The following KBTBD11 variants were observed in gnomAD, a reference collection of about 807,000 sequenced individuals.
KBTBD11 encodes the protein kelch repeat and BTB domain containing 11, also known as kelch repeat and BTB domain-containing protein 11.
For missense variants in KBTBD11, 1,390 were observed against 1,001.8 expected (o/e 1.39, Z -5.23); for synonymous variants, 747 against 499.0 (o/e 1.50, Z -6.63).
In KBTBD11 at chr8:2,001,896, A is replaced by C. The variant is rs1287536982; in HGVS notation, c.704A>C (p.Asn235Thr). The C allele has an allele frequency of 2.8e-6, 4 of 1,415,534 alleles. No homozygotes were observed. Among genetic ancestry groups the C allele is most frequent in the African/African-American group, 1.5e-5 (1 of 66,630 alleles). 87.7% of individuals were successfully genotyped at this position (1,415,534 alleles called of 1,614,324 possible). The change falls in exon 2 of 2, where the codon AAC becomes ACC. Residue 235 changes from asparagine (N) to threonine (T), a missense_variant. Transcript: ENST00000320248. ...DAVGPQLSLANCYEVLSAAKR... is the reference protein window; with the variant it reads ...DAVGPQLSLATCYEVLSAAKR... ...GTGGGGCCGCAGCTGAGCCTGGCCA[A>C]CTGCTACGAGGTCCTGAGCGCGGCC... is the stretch of plus-strand genomic sequence containing the variant.
intron 1 of KBTBD11, among the ~76,000 whole-genome samples, chr8:1,977,846 A>G (rs1816401988): frequency 6.6e-6 from 1 of 152,076 alleles, no homozygotes; most frequent in Admixed American, 6.6e-5. Context: ...CAGAGCAATT[A>G]TTTTTTAAAA....
rs1043228 is a variant in KBTBD11, at chr8:2,006,646, C to T, written c.*3582C>T. 12,240 of 167,172 alleles carry T rather than the reference C, an allele frequency of 0.073. 632 individuals carry two copies. The highest frequency in any genetic ancestry group is 0.16 in the Admixed American group (2,484 of 15,304). 10.4% of individuals were successfully genotyped at this position (167,172 alleles called of 1,614,324 possible). A position where few individuals can be genotyped will look rare whatever the true frequency, so the allele number is the denominator to read the frequency against. ...ACTGTGCTGGCAGGAGCTTCAGACA[C>T]GCCAAGTGGATGGATTTGGATTGAA... On this transcript the variant is annotated 3_prime_UTR_variant, in exon 2 of 2. Transcript: ENST00000320248.
At position 2,000,865 on chromosome 8, in the gene KBTBD11, T is replaced by G; in HGVS notation, c.-328T>G. ...AACTGCAGCTCCAGTCATTGCTGGATGTTGGCTGACGCGGTCCTGGCGCCA... is the reference window on the plus strand; with the variant it reads ...AACTGCAGCTCCAGTCATTGCTGGAGGTTGGCTGACGCGGTCCTGGCGCCA... On this transcript the variant is annotated 5_prime_UTR_variant, in exon 2 of 2. It removes an upstream start codon present in the reference 5' UTR. Coordinates refer to ENST00000320248, the MANE Select transcript of KBTBD11 (RefSeq NM_014867.3). 3.5e-6 allele frequency: 1 copy of G among 288,322 alleles called. No individual in the cohort carries two copies. Among genetic ancestry groups the G allele is most frequent in the Non-Finnish European group, 6.4e-6 (1 of 155,660 alleles). 17.9% of individuals were successfully genotyped at this position (288,322 alleles called of 1,614,324 possible).
chr8:2,000,860 C>T lies in KBTBD11; in HGVS notation c.-333C>T, dbSNP rs1050287022. 3 of 286,128 alleles carry T rather than the reference C, an allele frequency of 1.0e-5. No individual in the cohort carries two copies. The highest frequency in any genetic ancestry group is 4.3e-5 in the African/African-American group (2 of 46,110). 17.7% of individuals were successfully genotyped at this position (286,128 alleles called of 1,614,324 possible). A position where few individuals can be genotyped will look rare whatever the true frequency, so the allele number is the denominator to read the frequency against. On this transcript the variant is annotated 5_prime_UTR_variant, in exon 2 of 2. Coordinates refer to ENST00000320248, the MANE Select transcript of KBTBD11 (RefSeq NM_014867.3). The stretch of plus-strand genomic sequence containing the variant: ...CAGTCAACTGCAGCTCCAGTCATTG[C>T]TGGATGTTGGCTGACGCGGTCCTGG...
Position 2,001,415 on chromosome 8 carries a change from G to A in KBTBD11, c.223G>A (p.Glu75Lys). 7.2e-7 allele frequency: 1 copy of A among 1,392,796 alleles called. No homozygotes were observed. The highest frequency in any genetic ancestry group is 9.3e-7 in the Non-Finnish European group (1 of 1,078,638). The allele number at this position is 1,392,796 out of a possible 1,614,324, so 86.3% of individuals were successfully genotyped here. ...CTCCAGCGGTGGCCCGCGGGTGGTG[G>A]AGCGGCAGTGGGAGGCCGGCAGCGC... The part of the protein sequence containing the change: ...PPSSGGPRVV[E>K]RQWEAGSAGA... The change falls in exon 2 of 2, where the codon GAG (glutamate) becomes AAG (lysine). Residue 75 changes from glutamate to lysine, a missense_variant. Glu to Lys is a moderately conservative substitution (Grantham distance 56, BLOSUM62 1). Transcript: ENST00000320248.
rs532941540 is a variant in KBTBD11 at position 2,004,234 on chromosome 8, T to G, written c.*1170T>G. On this transcript the variant is annotated 3_prime_UTR_variant, in exon 2 of 2. Coordinates refer to ENST00000320248, the MANE Select transcript of KBTBD11 (RefSeq NM_014867.3). The stretch of plus-strand genomic sequence containing the variant: ...GAGTTCCAAAATACCCTAATAGAAT[T>G]AACACGAGGCTCACTGCATTGACAG... 2.4e-5 allele frequency: 4 copies of G among 167,096 alleles called. No homozygotes were observed. The highest frequency in any genetic ancestry group is 5.9e-5 in the Non-Finnish European group (4 of 68,118). The allele number at this position is 167,096 out of a possible 1,614,324, so 10.4% of individuals were successfully genotyped here.
chr8:1,982,846 C>G (rs1816585084), intron 1 of KBTBD11, among the ~76,000 whole-genome samples: 1 of 151,922 alleles, frequency 6.6e-6, no homozygotes, highest in East Asian at 1.9e-4. Flanking sequence ...AGGTTTAAGC[C>G]TCCTGAGTAG....
Position 2,001,952 on chromosome 8 carries a change from G to A in KBTBD11, c.760G>A (p.Ala254Thr), listed in dbSNP as rs1437857610. 4.1e-6 allele frequency: 6 copies of A among 1,472,382 alleles called. No homozygotes were observed. The highest frequency in any genetic ancestry group is 3.0e-5 in the East Asian group (1 of 33,420). The allele number at this position is 1,472,382 out of a possible 1,614,324, so 91.2% of individuals were successfully genotyped here. A position where few individuals can be genotyped will look rare whatever the true frequency, so the allele number is the denominator to read the frequency against. The change falls in exon 2 of 2, where the codon GCC becomes ACC. Residue 254 changes from alanine (A) to threonine (T), a missense_variant. Physicochemically the swap from Ala to Thr is moderately conservative, Grantham distance 58 (BLOSUM62 0). Coordinates refer to ENST00000320248, the MANE Select transcript of KBTBD11 (RefSeq NM_014867.3). ...KRQRLNELRD[A>T]AYCFMSDHYL... ...GCAGCGGCTGAACGAGCTGCGCGAC[G>A]CCGCCTACTGCTTCATGAGCGACCA... is the stretch of plus-strand genomic sequence containing the variant.
chr8:1,983,447 C>T (rs910446007), intron 1 of KBTBD11, among the ~76,000 whole-genome samples: 3 of 152,198 alleles, frequency 2.0e-5, no homozygotes, highest in South Asian at 2.1e-4. Context: ...CTGACCAGGG[C>T]GCTGGGGATT....
At chr8:1,997,545 C>T (rs1563375246) in intron 1 of KBTBD11, among the ~76,000 whole-genome samples, 1 of 152,250 alleles carries the variant, frequency 6.6e-6, no homozygotes. Flanking sequence ...CAGGCACGTT[C>T]AGTGCTGTGA....
intron 1 of KBTBD11, among the ~76,000 whole-genome samples, chr8:1,986,205 C>A (rs1161704129): frequency 6.6e-6 from 1 of 152,186 alleles, no homozygotes; most frequent in Non-Finnish European, 1.5e-5. Context: ...GGATCTAAAG[C>A]AGCCAATGGT....
In KBTBD11 at chr8:2,001,521, C is replaced by T. The variant is rs1817355811; in HGVS notation, c.329C>T (p.Pro110Leu). 2 of 1,419,694 alleles carry T rather than the reference C, an allele frequency of 1.4e-6. No homozygotes were observed. The highest frequency in any genetic ancestry group is 1.4e-5 in the South Asian group (1 of 69,668). The allele number at this position is 1,419,694 out of a possible 1,614,324, so 87.9% of individuals were successfully genotyped here. Reference sequence around the variant, plus strand: ...GAGCCCGCGGCGCCGTCCCCCGAACCGCGCGTTTGGCTTGAGGACCCCGCG... The same window carrying T: ...GAGCCCGCGGCGCCGTCCCCCGAACTGCGCGTTTGGCTTGAGGACCCCGCG... ...PEEPAAPSPE[P>L]RVWLEDPASP... The change falls in exon 2 of 2, where the codon CCG (proline) becomes CTG (leucine). Residue 110 changes from proline to leucine, a missense_variant. By Grantham distance (98) the Pro-to-Leu change is moderately conservative. Transcript: ENST00000320248.
chr8:1,985,968 G>A (rs540442670), intron 1 of KBTBD11, among the ~76,000 whole-genome samples: 6 of 152,362 alleles, frequency 3.9e-5, no homozygotes, highest in African/African-American at 1.4e-4. Flanking sequence ...CGTGGCAATT[G>A]CAGGACCATC....
Position 2,003,194 on chromosome 8 carries a change from A to G in KBTBD11, c.*130A>G. 1 of 1,227,778 alleles carries G rather than the reference A, an allele frequency of 8.1e-7. No individual in the cohort carries two copies. Among genetic ancestry groups the G allele is most frequent in the Non-Finnish European group, 1.0e-6 (1 of 972,238 alleles). 76.1% of individuals were successfully genotyped at this position (1,227,778 alleles called of 1,614,324 possible). A position where few individuals can be genotyped will look rare whatever the true frequency, so the allele number is the denominator to read the frequency against. ...GCTGGTGGTTTGGACACTTCGAAGG[A>G]GCCCCGAGGACGCTCTCAGGGCCGC... On this transcript the variant is annotated 3_prime_UTR_variant, in exon 2 of 2. Transcript: ENST00000320248.
intron 1 of KBTBD11, among the ~76,000 whole-genome samples, chr8:1,993,649 C>T (rs1052350595): frequency 5.3e-5 from 8 of 151,560 alleles, no homozygotes; most frequent in African/African-American, 1.9e-4. Context: ...ATCCTCCTTT[C>T]TGTGAATTTT....
intron 1 of KBTBD11, chr8:1,974,253 G>C: frequency 4.1e-6 from 4 of 970,270 alleles, no homozygotes; most frequent in Non-Finnish European, 4.9e-6. Context: ...GCCTCCTCGC[G>C]GGGTCTCCAC....
chr8:1,993,708 T>C (rs1348620942), intron 1 of KBTBD11, among the ~76,000 whole-genome samples: 1 of 151,878 alleles, frequency 6.6e-6, no homozygotes, highest in Non-Finnish European at 1.5e-5. Context: ...TCTGTAATGA[T>C]ACTATGTGGT....
At chr8:1,988,756 G>A (rs1366937561) in intron 1 of KBTBD11, among the ~76,000 whole-genome samples, 1 of 152,228 alleles carries the variant, frequency 6.6e-6, no homozygotes, top group African/African-American at 2.4e-5. Context: ...GACCAAGTCT[G>A]TCTCATTCCT....
intron 1 of KBTBD11, among the ~76,000 whole-genome samples, chr8:1,980,732 C>T (rs1224717125): frequency 6.6e-6 from 1 of 152,192 alleles, no homozygotes; most frequent in Non-Finnish European, 1.5e-5. Context: ...GCCGCCAGGG[C>T]AGGGGCAGGG....
Sources: allele counts gnomAD v4.1 joint callset (sites outside exome capture counted in the v4.1 genomes callset), GRCh38; gene constraint gnomAD v4.1.1; transcripts MANE v1.5; gene names NCBI Gene and HGNC (gene_info 2026-07-23, HGNC 2026-07-21).